The following MALRD1 variants were observed in gnomAD, a reference collection of about 807,000 sequenced individuals.
The protein encoded by MALRD1 is MAM and LDL-receptor class A domain-containing protein 1.
In MALRD1, 247 loss-of-function variants were observed where a neutral mutation model predicts 242.1. The observed-to-expected ratio is 1.02, with a 90% CI of 0.92 to 1.13. The LOEUF (loss-of-function observed/expected upper bound fraction) is 1.13, where lower values mean the gene tolerates loss of function less well. MALRD1 is among the 50% of genes most tolerant of loss of function. The probability of loss-of-function intolerance (pLI) is 0.00; values close to 1 mark genes in which losing one functional copy is unlikely to be tolerated. For synonymous variants in MALRD1, 995 were observed against 866.6 expected, an observed-to-expected ratio of 1.15 and a Z score of -2.60; for missense variants, 2,989 against 2,533.1, an observed-to-expected ratio of 1.18 and a Z score of -3.86.
At chr10:19,728,804 C>T (rs1326130590) in intron 38 of MALRD1, among the ~76,000 whole-genome samples, 1 of 152,134 alleles carries the variant, frequency 6.6e-6, no homozygotes, top group African/African-American at 2.4e-5. Flanking sequence ...ATCTCAACTC[C>T]AAGATCATCC....
chr10:19,350,656 G>A (rs1166094134), intron 25 of MALRD1, among the ~76,000 whole-genome samples: 1 of 152,194 alleles, frequency 6.6e-6, no homozygotes, highest in East Asian at 1.9e-4. Context: ...GGAAATAGGG[G>A]TGTTGGTGCA....
intron 19 of MALRD1, among the ~76,000 whole-genome samples, chr10:19,264,847 G>A (rs763090464): frequency 2.0e-5 from 3 of 152,096 alleles, no homozygotes; most frequent in African/African-American, 4.8e-5. Context: ...TTAAATGTTT[G>A]GTGGAATTTA....
chr10:19,298,411 A>G (rs973148112), intron 21 of MALRD1, among the ~76,000 whole-genome samples: 1 of 151,976 alleles, frequency 6.6e-6, no homozygotes, highest in Non-Finnish European at 1.5e-5. Flanking sequence ...GAATGGGACA[A>G]AGGATGTGAT....
In MALRD1 at chr10:19,155,151, C is replaced by G; in HGVS notation, c.1635C>G (p.Leu545=). 1 of 1,231,480 alleles carries G rather than the reference C, an allele frequency of 8.1e-7. No homozygotes were observed. Among genetic ancestry groups the G allele is most frequent in the Non-Finnish European group, 1.0e-6 (1 of 987,812 alleles). The allele number at this position is 1,231,480 out of a possible 1,614,324, so 76.3% of individuals were successfully genotyped here. The change falls in exon 12 of 40, where the codon CTC becomes CTG. Residue 545 remains leucine (L), a synonymous_variant. Transcript: ENST00000454679. Reference sequence around the variant, plus strand: ...GAAGTCCTGTTCTTACAAAATTGCTCACTGCCTCTACCCCATGTCAGGTAA... The same window carrying G: ...GAAGTCCTGTTCTTACAAAATTGCTGACTGCCTCTACCCCATGTCAGGTAA... ...KLGSPVLTKL[L]TASTPCQVQF...
In MALRD1 at chr10:19,705,804, T is replaced by TAAAAAAAAAA. The variant is rs61437328; in HGVS notation, c.6314+13255_6314+13264dup. Among the ~76,000 whole-genome samples the TAAAAAAAAAA allele has an allele frequency of 8.9e-4, 91 of 102,782 alleles. 3 individuals carry two copies. Among genetic ancestry groups the TAAAAAAAAAA allele is most frequent in the South Asian group, 1.5e-3 (4 of 2,712 alleles). The allele number at this position is 102,782 out of a possible 152,430, so 67.4% of individuals were successfully genotyped here. On this transcript the variant is annotated intron_variant, in intron 38 of 39. Coordinates refer to ENST00000454679, the MANE Select transcript of MALRD1 (RefSeq NM_001142308.3). ...ACCTTGTTCTCATGTCCTGCAATAG[T>TAAAAAAAAAA]AAAAAAAAAAAAAAGCCCACAAGAG... is the stretch of plus-strand genomic sequence containing the variant.
At chr10:19,284,087 C>T (rs1426944761) in intron 21 of MALRD1, among the ~76,000 whole-genome samples, 1 of 152,172 alleles carries the variant, frequency 6.6e-6, no homozygotes, top group Non-Finnish European at 1.5e-5. Context: ...TACAGGAAGA[C>T]CAGCATGGCT....
intron 29 of MALRD1, chr10:19,489,095 G>T (rs1397638769): frequency 2.2e-6 from 1 of 462,494 alleles, no homozygotes; most frequent in Admixed American, 2.3e-5. Context: ...TCCGGAGCCA[G>T]AATGCCCAAG....
rs541938844 is a variant in MALRD1 at position 19,272,706 on chromosome 10, C to T, written c.3080-7341C>T. On this transcript the variant is annotated intron_variant, in intron 19 of 39. Coordinates refer to ENST00000454679, the MANE Select transcript of MALRD1 (RefSeq NM_001142308.3). Reference sequence around the variant, plus strand: ...CTTGCCCTCCACCCACCACAGGCTCCGGTGTGTAATATTCCCCTCCTTGTG... The same window carrying T: ...CTTGCCCTCCACCCACCACAGGCTCTGGTGTGTAATATTCCCCTCCTTGTG... Among the ~76,000 whole-genome samples, 17 of 152,118 alleles carry T rather than the reference C, an allele frequency of 1.1e-4. No homozygotes were observed. In the East Asian group the frequency reaches 2.7e-3, roughly 24 times the overall value.
At chr10:19,192,442 CA>C (rs1836021976) in intron 14 of MALRD1, among the ~76,000 whole-genome samples, 2 of 152,120 alleles carry the variant, frequency 1.3e-5, no homozygotes, top group Admixed American at 6.5e-5. Context: ...TAAGGAGCCA[CA>C]TGAAAAGATA....
chr10:19,660,118 A>G (rs573563280), intron 36 of MALRD1, among the ~76,000 whole-genome samples: 1 of 152,264 alleles, frequency 6.6e-6, no homozygotes, highest in Non-Finnish European at 1.5e-5. Flanking sequence ...TTGTAGTAAC[A>G]AAATGACTTT....
intron 15 of MALRD1, 139 bp downstream of exon 15, chr10:19,204,019 C>A: frequency 1.8e-6 from 2 of 1,130,640 alleles, no homozygotes; most frequent in Non-Finnish European, 2.6e-6. Flanking sequence ...TACAGTTATG[C>A]TGTCTGCATG....
At chr10:19,573,181 C>G (rs1444252787) in intron 33 of MALRD1, among the ~76,000 whole-genome samples, 4 of 152,148 alleles carry the variant, frequency 2.6e-5, no homozygotes, top group Non-Finnish European at 4.4e-5. Context: ...ATGACATGGA[C>G]CATGGCACGT....
intron 19 of MALRD1, among the ~76,000 whole-genome samples, chr10:19,259,498 T>A (rs1266745301): frequency 6.6e-6 from 1 of 151,916 alleles, no homozygotes; most frequent in African/African-American, 2.4e-5. Context: ...GCAAAGAGAG[T>A]GTGTACAGGG....
chr10:19,616,248 T>C (rs556344715), intron 36 of MALRD1, among the ~76,000 whole-genome samples: 2 of 152,190 alleles, frequency 1.3e-5, no homozygotes, highest in African/African-American at 4.8e-5. Context: ...AATATCTTTC[T>C]ATTTCAGATA....
At chr10:19,275,387 G>A (rs1020712620) in intron 19 of MALRD1, among the ~76,000 whole-genome samples, 3 of 152,092 alleles carry the variant, frequency 2.0e-5, no homozygotes, top group Non-Finnish European at 2.9e-5. Context: ...ATCAGAAATC[G>A]GCCGGGTGCG....
chr10:19,281,095 A>C (rs1840781908), intron 20 of MALRD1, among the ~76,000 whole-genome samples: 1 of 151,756 alleles, frequency 6.6e-6, no homozygotes, highest in South Asian at 2.1e-4. Flanking sequence ...AATCTAGAAA[A>C]AAATGTTTTT....
intron 38 of MALRD1, among the ~76,000 whole-genome samples, chr10:19,693,613 A>G (rs1412939931): frequency 2.0e-5 from 3 of 152,208 alleles, no homozygotes; most frequent in Non-Finnish European, 2.9e-5. Context: ...ATGCTCGTGG[A>G]TAGGAAAAAT....
At chr10:19,668,585 G>C (rs1841782864) in intron 36 of MALRD1, among the ~76,000 whole-genome samples, 1 of 152,138 alleles carries the variant, frequency 6.6e-6, no homozygotes, top group South Asian at 2.1e-4. Context: ...TGATGAAACA[G>C]AAGTGACATA....
intron 26 of MALRD1, among the ~76,000 whole-genome samples, chr10:19,379,345 T>C (rs538557727): frequency 8.9e-4 from 135 of 152,254 alleles, no homozygotes; most frequent in Non-Finnish European, 1.5e-3. Context: ...TATTTTGTGA[T>C]AAATTTGCTT....
Sources: allele counts gnomAD v4.1 joint callset (sites outside exome capture counted in the v4.1 genomes callset), GRCh38; gene constraint gnomAD v4.1.1; transcripts MANE v1.5; gene names NCBI Gene and HGNC (gene_info 2026-07-23, HGNC 2026-07-21).